The following STK32B variants were observed in gnomAD, a reference collection of about 807,000 sequenced individuals.
The protein encoded by STK32B is serine/threonine-protein kinase 32B.
In STK32B, 43 loss-of-function variants were observed where a neutral mutation model predicts 52.6. The observed-to-expected ratio is 0.82, with a 90% CI of 0.64 to 1.05. The LOEUF is 1.05. STK32B is among the 50% of genes least tolerant of loss of function. The probability of loss-of-function intolerance (pLI) is 0.00; values close to 1 mark genes in which losing one functional copy is unlikely to be tolerated. For missense variants in STK32B, 621 were observed against 534.6 expected (o/e 1.16, Z -1.59); for synonymous variants, 238 against 204.3 (o/e 1.17, Z -1.41).
chr4:5,444,568 C>T (rs140903506), intron 6 of STK32B, among the ~76,000 whole-genome samples: 5 of 152,202 alleles, frequency 3.3e-5, no homozygotes, highest in African/African-American at 4.8e-5. Context: ...TCTTCTGCGT[C>T]GCTCACACTG....
intron 7 of STK32B, among the ~76,000 whole-genome samples, chr4:5,452,486 G>A (rs1384830243): frequency 2.0e-5 from 3 of 152,304 alleles, no homozygotes; most frequent in East Asian, 1.9e-4. Context: ...AAGGACCTTT[G>A]TGAATTGTTC....
intron 4 of STK32B, among the ~76,000 whole-genome samples, chr4:5,344,678 C>A (rs1341263873): frequency 6.7e-6 from 1 of 148,492 alleles, no homozygotes; most frequent in Non-Finnish European, 1.5e-5. Flanking sequence ...TTCTTTTTGG[C>A]AAACTTTGTC....
chr4:5,070,518 C>T (rs1323591666), intron 1 of STK32B, among the ~76,000 whole-genome samples: 1 of 152,214 alleles, frequency 6.6e-6, no homozygotes, highest in East Asian at 1.9e-4. Flanking sequence ...TGAATTGTGT[C>T]TTCCAAAATA....
chr4:5,354,327 G>A (rs529084154), intron 4 of STK32B, among the ~76,000 whole-genome samples: 13 of 152,284 alleles, frequency 8.5e-5, no homozygotes, highest in African/African-American at 2.9e-4. Context: ...CTGCAGTGGC[G>A]CCATCTCAGC....
At chr4:5,347,505 T>C (rs1048307693) in intron 4 of STK32B, among the ~76,000 whole-genome samples, 12 of 152,192 alleles carry the variant, frequency 7.9e-5, no homozygotes, top group African/African-American at 2.9e-4. Flanking sequence ...TGGATTATTT[T>C]AGTAGAGCTT....
intron 1 of STK32B, among the ~76,000 whole-genome samples, chr4:5,081,823 C>T (rs1228280567): frequency 6.6e-6 from 1 of 152,196 alleles, no homozygotes; most frequent in Non-Finnish European, 1.5e-5. Context: ...CTATACCTCA[C>T]TGAGCTTCTT....
chr4:5,394,089 C>G lies in STK32B; in HGVS notation c.435-4118C>G, dbSNP rs757657408. 6.6e-6 allele frequency among the ~76,000 whole-genome samples: 1 copy of G among 152,212 alleles called. No homozygotes were observed. The highest frequency in any genetic ancestry group is 1.5e-5 in the Non-Finnish European group (1 of 68,038). The stretch of plus-strand genomic sequence containing the variant: ...GACACATGCAGAAACATCCTGGTGG[C>G]CCTGCTTTGCAGTCTGTGCATGGGT... On this transcript the variant is annotated intron_variant, in intron 4 of 11. Transcript: ENST00000282908. This position sits in a 1 kb window ranked among gnomAD's most constrained non-coding sequence, Gnocchi z 4.2.
intron 3 of STK32B, among the ~76,000 whole-genome samples, chr4:5,183,253 A>C (rs1440796315): frequency 6.6e-6 from 1 of 152,130 alleles, no homozygotes; most frequent in Non-Finnish European, 1.5e-5. Context: ...CGAGGCAGGC[A>C]GATCACCTGA....
chr4:5,336,900 G>T (rs982185351), intron 4 of STK32B, among the ~76,000 whole-genome samples: 5 of 152,208 alleles, frequency 3.3e-5, no homozygotes, highest in Admixed American at 2.0e-4. Flanking sequence ...ACAAATGTCA[G>T]ATCTGATAAG....
intron 3 of STK32B, among the ~76,000 whole-genome samples, chr4:5,239,171 G>C (rs1004959223): frequency 6.6e-6 from 1 of 152,114 alleles, no homozygotes; most frequent in African/African-American, 2.4e-5. Context: ...AGGAGAAGGG[G>C]GACAGGAGAC....
Position 5,289,612 on chromosome 4 carries a change from G to A in STK32B, c.261-41608G>A, listed in dbSNP as rs926082867. Among the ~76,000 whole-genome samples, 32 of 151,224 alleles carry A rather than the reference G, an allele frequency of 2.1e-4. 1 individual carries two copies. The highest frequency in any genetic ancestry group is 9.2e-4 in the Admixed American group (14 of 15,162). ...TGGCTCACTGCAAGCTCCACCTCCC[G>A]GGTTCACGCCATTCTCCTGCCTCAG... On this transcript the variant is annotated intron_variant, in intron 3 of 11. Transcript: ENST00000282908.
At chr4:5,265,984 T>G (rs1727031886) in intron 3 of STK32B, among the ~76,000 whole-genome samples, 1 of 152,224 alleles carries the variant, frequency 6.6e-6, no homozygotes, top group Non-Finnish European at 1.5e-5. Flanking sequence ...TCTTTGTACA[T>G]AAAAATTTTC....
intron 3 of STK32B, among the ~76,000 whole-genome samples, chr4:5,304,396 G>C (rs1729778556): frequency 6.7e-6 from 1 of 148,726 alleles, no homozygotes; most frequent in Non-Finnish European, 1.5e-5. Flanking sequence ...CAGCTCCTTG[G>C]TTAGGTACAG....
chr4:5,466,840 T>A lies in STK32B; in HGVS notation c.1041+6T>A, dbSNP rs1264298688. 1.2e-6 allele frequency: 2 copies of A among 1,612,196 alleles called. No individual in the cohort carries two copies. The highest frequency in any genetic ancestry group is 2.7e-5 in the African/African-American group (2 of 74,962). The stretch of plus-strand genomic sequence containing the variant: ...CAAAGGACAGCTGCCCGCTGGTGAG[T>A]GCTTCGTGGGAGCCGTTCCGGGAGA... On this transcript the variant is annotated splice_donor_region_variant and intron_variant, in intron 10 of 11. Coordinates refer to ENST00000282908, the MANE Select transcript of STK32B (RefSeq NM_018401.3).
At chr4:5,491,550 T>TA (rs1719736301) in intron 11 of STK32B, among the ~76,000 whole-genome samples, 1 of 151,916 alleles carries the variant, frequency 6.6e-6, no homozygotes, top group African/African-American at 2.4e-5. Context: ...CTGATGGTAG[T>TA]TTCTTTTGCT....
chr4:5,450,440 C>T (rs1236882691), intron 7 of STK32B, among the ~76,000 whole-genome samples: 1 of 152,164 alleles, frequency 6.6e-6, no homozygotes, highest in East Asian at 1.9e-4. Context: ...ATTGATTATC[C>T]TCAGGATCCA....
chr4:5,166,251 G>A (rs930953598), intron 2 of STK32B, among the ~76,000 whole-genome samples: 2 of 151,952 alleles, frequency 1.3e-5, no homozygotes, highest in Non-Finnish European at 2.9e-5. Flanking sequence ...TGGGTGAAAA[G>A]TGACAGCTGG....
chr4:5,176,178 G>A (rs1004737119), intron 3 of STK32B, among the ~76,000 whole-genome samples: 27 of 152,168 alleles, frequency 1.8e-4, no homozygotes, highest in African/African-American at 6.5e-4. Flanking sequence ...GGAGTGACCC[G>A]ATTTTCCAGG....
At chr4:5,033,647 G>T in the STK32B span, among the ~76,000 whole-genome samples, 46 of 152,360 alleles carry the variant, frequency 3.0e-4, no homozygotes, top group Admixed American at 2.2e-3. Flanking sequence ...ATGTGGCAAA[G>T]AATAAGGATG....
Sources: gnomAD v4.1 joint callset for allele counts (sites outside exome capture counted in the v4.1 genomes callset) on GRCh38, gnomAD v4.1.1 for gene constraint, Gnocchi (gnomAD v3.1) non-coding constraint, MANE v1.5 for transcripts, NCBI Gene and HGNC (gene_info 2026-07-23, HGNC 2026-07-21) for gene names.